WDHD1: variants seen among roughly 807,000 people sequenced by gnomAD.
WDHD1 encodes the protein WD repeat and HMG-box DNA binding protein 1.
A neutral mutation model predicts 135.4 loss-of-function variants in WDHD1; 111 were observed. The observed-to-expected ratio is 0.82, with a 90% CI of 0.70 to 0.96. WDHD1 has a LOEUF of 0.96. WDHD1 is among the 40% of genes least tolerant of loss of function. The probability of loss-of-function intolerance (pLI) is 0.00; values close to 1 mark genes in which losing one functional copy is unlikely to be tolerated. For missense variants in WDHD1, 1,351 were observed against 1,336.3 expected, an observed-to-expected ratio of 1.01 and a Z score of -0.17; for synonymous variants, 434 against 439.0, an observed-to-expected ratio of 0.99 and a Z score of 0.14.
At chr14:55,018,051 T>C (rs965930817) in intron 2 of WDHD1, among the ~76,000 whole-genome samples, 1 of 152,138 alleles carries the variant, frequency 6.6e-6, no homozygotes, top group East Asian at 1.9e-4. Context: ...AATACTAGCA[T>C]TGCAGGACAT....
chr14:54,981,702 C>G lies in WDHD1; in HGVS notation c.1907-6G>C, dbSNP rs754675116. 6.9e-6 allele frequency: 11 copies of G among 1,593,162 alleles called. No homozygotes were observed. Among genetic ancestry groups the G allele is most frequent in the Non-Finnish European group, 9.5e-6 (11 of 1,162,936 alleles). Reference sequence around the variant, plus strand: ...ATCCACGTAACAAGGGGTACCTAAACACCAACAGAAAAATCACTTGGAGAC... The same window carrying G: ...ATCCACGTAACAAGGGGTACCTAAAGACCAACAGAAAAATCACTTGGAGAC... On this transcript the variant is annotated splice_polypyrimidine_tract_variant and splice_region_variant and intron_variant, in intron 15 of 25. Coordinates refer to ENST00000360586, the MANE Select transcript of WDHD1 (RefSeq NM_007086.4).
In WDHD1 at chr14:54,997,089, CTTTTTTTT is replaced by C. The variant is rs71131246; in HGVS notation, c.943-1284_943-1277del. Among the ~76,000 whole-genome samples the C allele has an allele frequency of 2.2e-4, 9 of 41,204 alleles. No individual in the cohort carries two copies. In the South Asian group the frequency reaches 3.8e-3, roughly 17 times the overall value. 27.0% of individuals were successfully genotyped at this position (41,204 alleles called of 152,430 possible). ...ACAGGCGTGAGCCACAGCGCCCAGCCTTTTTTTTTTTTTTTTTTTTTTTTGACACAGAG... is the reference window on the plus strand; with the variant it reads ...ACAGGCGTGAGCCACAGCGCCCAGCCTTTTTTTTTTTTTTTTGACACAGAG... On this transcript the variant is annotated intron_variant, in intron 10 of 25. Coordinates refer to ENST00000360586, the MANE Select transcript of WDHD1 (RefSeq NM_007086.4).
intron 24 of WDHD1, among the ~76,000 whole-genome samples, chr14:54,953,593 A>G (rs1264894623): frequency 2.0e-5 from 3 of 152,200 alleles, no homozygotes; most frequent in African/African-American, 7.2e-5. Context: ...AACTAGAAAT[A>G]CCATTTGACC....
chr14:55,020,986 C>T (rs1243734429), intron 2 of WDHD1, among the ~76,000 whole-genome samples: 1 of 152,106 alleles, frequency 6.6e-6, no homozygotes, highest in Non-Finnish European at 1.5e-5. Flanking sequence ...AGTGAGAAGG[C>T]TGACGGGGAA....
intron 16 of WDHD1, among the ~76,000 whole-genome samples, chr14:54,980,547 C>T (rs1207646002): frequency 2.0e-5 from 3 of 152,004 alleles, no homozygotes; most frequent in African/African-American, 7.2e-5. Flanking sequence ...TACGGTGGCT[C>T]ATGCCTGTAC....
intron 25 of WDHD1, among the ~76,000 whole-genome samples, chr14:54,944,045 T>C (rs2040879585): frequency 6.6e-6 from 1 of 152,090 alleles, no homozygotes; most frequent in South Asian, 2.1e-4. Flanking sequence ...TTTAAAAAGT[T>C]TGGTGGATGT....
intron 7 of WDHD1, 57 bp from the exon 8 acceptor site, chr14:55,002,242 A>C (rs2041991354): frequency 8.2e-7 from 1 of 1,212,838 alleles, no homozygotes. Flanking sequence ...AATTTGAAGA[A>C]GGAAAAAGGC....
chr14:54,979,603 T>C lies in WDHD1; in HGVS notation c.2063+1937A>G, dbSNP rs2041584925. ...CATGTAGCCAAATTAAGAAGTCTTC[T>C]TGAACTTAACTTCTGGCCTTATCTG... On this transcript the variant is annotated intron_variant, in intron 16 of 25. Transcript: ENST00000360586. Among the ~76,000 whole-genome samples the C allele has an allele frequency of 2.0e-5, 3 of 152,264 alleles. No individual in the cohort carries two copies. In the South Asian group the frequency reaches 6.2e-4, roughly 32 times the overall value.
At position 54,962,835 on chromosome 14, in the gene WDHD1, T is replaced by C. The variant is rs1361299561; in HGVS notation, c.2550A>G (p.Thr850=). Residue 850 remains threonine (T), a synonymous_variant, in exon 20 of 26, where the codon ACA becomes ACG. Transcript: ENST00000360586. ...KLNAGYSNTA[T]EWSQPRFRNQ... is the part of the protein sequence containing the mutation. Reference sequence around the variant, plus strand: ...TTCTGAACCTTGGTTGGCTCCACTCTGTAGCAGTATTGCTGTAACTAAGAG... The same window carrying C: ...TTCTGAACCTTGGTTGGCTCCACTCCGTAGCAGTATTGCTGTAACTAAGAG... 2.5e-6 allele frequency: 4 copies of C among 1,612,660 alleles called. No homozygotes were observed. In the African/African-American group the frequency reaches 5.3e-5, roughly 22 times the overall value.
chr14:54,967,175 A>G, intron 17 of WDHD1, 105 bp downstream of exon 17: 1 of 924,250 alleles, frequency 1.1e-6, no homozygotes, highest in Non-Finnish European at 1.7e-6. Flanking sequence ...ATGTAATTAT[A>G]CAGTAATGAA....
Position 54,981,636 on chromosome 14 carries a change from T to C in WDHD1, c.1967A>G (p.Asn656Ser). The change falls in exon 16 of 26, where the codon AAT (asparagine) becomes AGT (serine). Residue 656 changes from asparagine to serine, a missense_variant. By Grantham distance (46) the Asn-to-Ser change is conservative (BLOSUM62 1). Around this residue, in one of 2 missense-constraint regions of WDHD1, gnomAD observed 1,330 missense variants for 1,296.1 expected, o/e 1.03. Coordinates refer to ENST00000360586, the MANE Select transcript of WDHD1 (RefSeq NM_007086.4). ...IVRMLNRGLG[N>S]TWTPICNTRE... ...TGTATTACATATAGGAGTCCACGTATTACCAAGTCCTCTGTTAAGCATTCG... is the reference window on the plus strand; with the variant it reads ...TGTATTACATATAGGAGTCCACGTACTACCAAGTCCTCTGTTAAGCATTCG... 6.2e-7 allele frequency: 1 copy of C among 1,611,684 alleles called. No homozygotes were observed. The highest frequency in any genetic ancestry group is 2.2e-5 in the East Asian group (1 of 44,834).
chr14:54,950,303 A>G (rs1311205199), intron 24 of WDHD1, among the ~76,000 whole-genome samples: 1 of 152,178 alleles, frequency 6.6e-6, no homozygotes, highest in Non-Finnish European at 1.5e-5. Context: ...AGGAAGATCT[A>G]CCAAGCAAAT....
At position 54,980,802 on chromosome 14, in the gene WDHD1, T is replaced by TAAAA. The variant is rs375441329; in HGVS notation, c.2063+734_2063+737dup. On this transcript the variant is annotated intron_variant, in intron 16 of 25. Transcript: ENST00000360586. ...CTGGGTGACAGAGTGAGACTCCACA[T>TAAAA]AAAAAAAAAAAAAAAAAAAAAAACT... Among the ~76,000 whole-genome samples the TAAAA allele has an allele frequency of 8.4e-5, 7 of 83,614 alleles. 1 individual carries two copies. Among genetic ancestry groups the TAAAA allele is most frequent in the African/African-American group, 2.4e-4 (5 of 20,970 alleles). The allele number at this position is 83,614 out of a possible 152,430, so 54.9% of individuals were successfully genotyped here.
chr14:54,979,301 G>A (rs1292675940), intron 16 of WDHD1, among the ~76,000 whole-genome samples: 2 of 152,050 alleles, frequency 1.3e-5, no homozygotes, highest in Non-Finnish European at 2.9e-5. Flanking sequence ...ATAGGTGTGT[G>A]CCATCATGCC....
chr14:54,967,508 C>T (rs2041364463), intron 16 of WDHD1, 114 bp from the exon 17 acceptor site: 2 of 631,292 alleles, frequency 3.2e-6, no homozygotes, highest in Non-Finnish European at 5.3e-6. Context: ...ATAATAGCTG[C>T]CTTAATCATA....
intron 5 of WDHD1, 108 bp downstream of exon 5, chr14:55,008,500 C>CA: frequency 6.9e-7 from 1 of 1,439,696 alleles, no homozygotes; most frequent in Non-Finnish European, 9.4e-7. Context: ...CTGAATAAAA[C>CA]AAAGGTTGAA....
At position 54,962,793 on chromosome 14, in the gene WDHD1, A is replaced by G. The variant is rs2041273298; in HGVS notation, c.2592T>C (p.Asp864=). Residue 864 remains aspartate, a synonymous_variant, in exon 20 of 26, where the codon GAT becomes GAC. Coordinates refer to ENST00000360586, the MANE Select transcript of WDHD1 (RefSeq NM_007086.4). The stretch of plus-strand genomic sequence containing the variant: ...CATCAGCTTCTCCACTGTCCTCAGC[A>G]TCTTCTTCAACTTGATTTCTGAACC... ...QPRFRNQVEE[D]AEDSGEADDE... 6.2e-7 allele frequency: 1 copy of G among 1,613,626 alleles called. No homozygotes were observed. The highest frequency in any genetic ancestry group is 8.5e-7 in the Non-Finnish European group (1 of 1,180,016).
chr14:54,976,293 G>A (rs1415736618), intron 16 of WDHD1, among the ~76,000 whole-genome samples: 1 of 151,994 alleles, frequency 6.6e-6, no homozygotes, highest in Non-Finnish European at 1.5e-5. Context: ...GGGGTGCAGG[G>A]GCTGTATAAC....
Position 55,010,327 on chromosome 14 carries a change from T to G in WDHD1, c.323A>C (p.Lys108Thr). 6.2e-7 allele frequency: 1 copy of G among 1,604,864 alleles called. No individual in the cohort carries two copies. The highest frequency in any genetic ancestry group is 8.5e-7 in the Non-Finnish European group (1 of 1,177,164). The part of the protein sequence containing the change: ...NHVVFNGDGT[K>T]IAAGSSDFLV... ...GCCTTACCTAGATCCAGCAGCAATT[T>G]TAGTACCATCCCCATTAAAGACCAC... Residue 108 changes from lysine to threonine, a missense_variant, in exon 4 of 26, where the codon AAA becomes ACA. Transcript: ENST00000360586.
Sources: allele counts gnomAD v4.1 joint callset (sites outside exome capture counted in the v4.1 genomes callset), GRCh38; gene constraint gnomAD v4.1.1; regional missense constraint gnomAD v4.1.1; transcripts MANE v1.5; gene names NCBI Gene and HGNC (gene_info 2026-07-23, HGNC 2026-07-21).